Variants in CTNNA3 observed in about 807,000 individuals in gnomAD.
The protein encoded by CTNNA3 is catenin alpha 3.
In CTNNA3, 76 loss-of-function variants were observed where a neutral mutation model predicts 95.7. The ratio of observed to expected loss-of-function variants is 0.79; its 90% CI spans 0.66 to 0.96. The LOEUF is 0.96. Ranked by LOEUF, CTNNA3 falls within the 40% of genes least tolerant of loss-of-function variation. The pLI is 0.00. For missense variants in CTNNA3, 1,191 were observed against 1,089.8 expected, an observed-to-expected ratio of 1.09 and a Z score of -1.31; for synonymous variants, 431 against 374.4, an observed-to-expected ratio of 1.15 and a Z score of -1.74.
At chr10:66,448,189 G>C (rs2093437156) in intron 11 of CTNNA3, among the ~76,000 whole-genome samples, 1 of 152,074 alleles carries the variant, frequency 6.6e-6, no homozygotes, top group Admixed American at 6.6e-5. Flanking sequence ...AGGTGCTGGA[G>C]AGGATGTGGA....
chr10:67,100,436 G>A (rs1172942641), intron 7 of CTNNA3, among the ~76,000 whole-genome samples: 1 of 151,610 alleles, frequency 6.6e-6, no homozygotes, highest in African/African-American at 2.4e-5. Context: ...TAAGGGTGAG[G>A]GTGGTGACAA....
chr10:66,572,944 C>T (rs1842912329), intron 10 of CTNNA3, among the ~76,000 whole-genome samples: 1 of 152,092 alleles, frequency 6.6e-6, no homozygotes, highest in African/African-American at 2.4e-5. Flanking sequence ...ATCAGATGTT[C>T]GGAGTCCAAA....
At chr10:66,262,465 G>T (rs2091034271) in intron 13 of CTNNA3, among the ~76,000 whole-genome samples, 1 of 151,924 alleles carries the variant, frequency 6.6e-6, no homozygotes, top group African/African-American at 2.4e-5. Context: ...GTCAACAGTA[G>T]TTGGTATGGA....
chr10:67,472,760 AAACTTG>A (rs1454932301), intron 5 of CTNNA3, among the ~76,000 whole-genome samples: 1 of 152,162 alleles, frequency 6.6e-6, no homozygotes, highest in Non-Finnish European at 1.5e-5. Flanking sequence ...TTCTTCCAAT[AAACTTG>A]CTTTCATTTC....
intron 5 of CTNNA3, among the ~76,000 whole-genome samples, chr10:67,307,708 G>C (rs1840613717): frequency 6.6e-6 from 1 of 152,108 alleles, no homozygotes; most frequent in Non-Finnish European, 1.5e-5. Context: ...CTCTTTCTAA[G>C]ACTGAGTGTA....
chr10:65,924,023 T>A lies in CTNNA3; in HGVS notation c.2401-3406A>T, dbSNP rs973113161. 1.4e-4 allele frequency among the ~76,000 whole-genome samples: 22 copies of A among 152,312 alleles called. No homozygotes were observed. The East Asian group carries it at 4.0e-3, about 28-fold the overall frequency. ...TCAGGTGGCTACTCAGAATTCCTTT[T>A]ACTTTTATTTAAAATGACCTATTAT... is the stretch of plus-strand genomic sequence containing the variant. On this transcript the variant is annotated intron_variant, in intron 17 of 17. Coordinates refer to ENST00000433211, the MANE Select transcript of CTNNA3 (RefSeq NM_013266.4).
At chr10:66,774,742 G>T (rs1840226925) in intron 8 of CTNNA3, among the ~76,000 whole-genome samples, 1 of 152,090 alleles carries the variant, frequency 6.6e-6, no homozygotes. Flanking sequence ...AAAGAACTCT[G>T]GTTATTGAAC....
chr10:66,436,424 T>A (rs910274568), intron 11 of CTNNA3, among the ~76,000 whole-genome samples: 4 of 152,074 alleles, frequency 2.6e-5, no homozygotes, highest in Admixed American at 2.0e-4. Flanking sequence ...TCTACCATTA[T>A]GTAATGCCCT....
intron 7 of CTNNA3, among the ~76,000 whole-genome samples, chr10:66,820,737 AT>A (rs1842279429): frequency 6.6e-6 from 1 of 151,946 alleles, no homozygotes; most frequent in Non-Finnish European, 1.5e-5. Context: ...CCTATTTCAA[AT>A]TTTTTAATTA....
At chr10:66,908,770 A>G (rs1419489722) in intron 7 of CTNNA3, among the ~76,000 whole-genome samples, 1 of 152,062 alleles carries the variant, frequency 6.6e-6, no homozygotes, top group East Asian at 1.9e-4. Flanking sequence ...GGATAGTGCC[A>G]TTTTTATGGA....
At chr10:67,527,238 C>T (rs1840173079) in intron 4 of CTNNA3, among the ~76,000 whole-genome samples, 2 of 151,908 alleles carry the variant, frequency 1.3e-5, no homozygotes, top group South Asian at 4.2e-4. Flanking sequence ...GCCTGGGTGA[C>T]AGAAAAAGAC....
chr10:66,178,440 T>TATATAC (rs1231414006), intron 13 of CTNNA3, among the ~76,000 whole-genome samples: 1,094 of 104,562 alleles, frequency 0.01, 10 homozygotes, highest in Non-Finnish European at 0.015. Context: ...TATATATATA[T>TATATAC]ATACACACAC....
intron 5 of CTNNA3, among the ~76,000 whole-genome samples, chr10:67,470,013 G>C (rs1042132785): frequency 5.9e-5 from 9 of 151,976 alleles, no homozygotes; most frequent in African/African-American, 2.2e-4. Context: ...TCACCCTGTT[G>C]TGGTATCAAA....
intron 9 of CTNNA3, among the ~76,000 whole-genome samples, chr10:66,724,230 T>G (rs2132646601): frequency 6.6e-6 from 1 of 152,334 alleles, no homozygotes; most frequent in South Asian, 2.1e-4. Context: ...AATGTTCTGC[T>G]TACAAACCCT....
chr10:66,730,803 GA>G, intron 9 of CTNNA3, among the ~76,000 whole-genome samples: 1 of 152,208 alleles, frequency 6.6e-6, no homozygotes, highest in Middle Eastern at 3.4e-3. Flanking sequence ...TGTTATGTGA[GA>G]AAAATACACT....
At chr10:66,701,608 T>C (rs1467177501) in intron 9 of CTNNA3, among the ~76,000 whole-genome samples, 1 of 152,324 alleles carries the variant, frequency 6.6e-6, no homozygotes, top group East Asian at 1.9e-4. Flanking sequence ...ATTGATATTA[T>C]TGTAAAAGGT....
intron 5 of CTNNA3, among the ~76,000 whole-genome samples, chr10:67,296,672 G>A (rs1056568216): frequency 2.0e-5 from 3 of 152,030 alleles, no homozygotes; most frequent in Non-Finnish European, 4.4e-5. Flanking sequence ...GGCAGCTCAC[G>A]CCTGTAATCC....
chr10:67,658,612 A>T (rs912758548), intron 1 of CTNNA3, among the ~76,000 whole-genome samples: 1 of 152,024 alleles, frequency 6.6e-6, no homozygotes, highest in Non-Finnish European at 1.5e-5. Context: ...GTACTGTCTT[A>T]AAAAAAACAA....
intron 12 of CTNNA3, among the ~76,000 whole-genome samples, chr10:66,299,243 G>A (rs2091826996): frequency 6.6e-6 from 1 of 152,160 alleles, no homozygotes; most frequent in Admixed American, 6.5e-5. Flanking sequence ...AGGACCTCCT[G>A]AGGCTGTGTC....
Sources: allele counts gnomAD v4.1 joint callset (sites outside exome capture counted in the v4.1 genomes callset), GRCh38; gene constraint gnomAD v4.1.1; transcripts MANE v1.5; gene names NCBI Gene and HGNC (gene_info 2026-07-23, HGNC 2026-07-21).